LAMA2: variants seen among roughly 807,000 people sequenced by gnomAD.
LAMA2 encodes laminin subunit alpha 2, also known as laminin subunit alpha-2.
In LAMA2, 269 loss-of-function variants were observed where a neutral mutation model predicts 364.8. The ratio of observed to expected loss-of-function variants is 0.74; its 90% CI spans 0.67 to 0.82. LAMA2 has a LOEUF of 0.82. Ranked by LOEUF, LAMA2 falls within the 40% of genes least tolerant of loss-of-function variation. The pLI, the probability that LAMA2 is intolerant of heterozygous loss-of-function variation, is 0.00. For synonymous variants in LAMA2, 1,379 were observed against 1,370.6 expected (o/e 1.01, Z -0.14); for missense variants, 3,807 against 3,873.2 (o/e 0.98, Z 0.45).
chr6:129,314,153 C>T (rs973415986), intron 23 of LAMA2, among the ~76,000 whole-genome samples: 3 of 152,106 alleles, frequency 2.0e-5, no homozygotes, highest in African/African-American at 7.2e-5. Flanking sequence ...GTAATCCCAC[C>T]ACTTTGGGAG....
chr6:129,172,849 G>C (rs892738120), intron 9 of LAMA2, among the ~76,000 whole-genome samples: 2 of 152,252 alleles, frequency 1.3e-5, no homozygotes, highest in African/African-American at 2.4e-5. Flanking sequence ...GACCCTCCAA[G>C]CCAGGTGCAG....
At chr6:129,054,667 G>A (rs1788340676) in intron 2 of LAMA2, among the ~76,000 whole-genome samples, 1 of 147,670 alleles carries the variant, frequency 6.8e-6, no homozygotes, top group South Asian at 2.1e-4. Flanking sequence ...TGAAATATAT[G>A]ATATGTAATA....
At chr6:129,074,692 C>T (rs1315039218) in intron 3 of LAMA2, among the ~76,000 whole-genome samples, 1 of 152,014 alleles carries the variant, frequency 6.6e-6, no homozygotes, top group Admixed American at 6.6e-5. Flanking sequence ...ATTATTATTG[C>T]TTTTTGTGAA....
chr6:129,238,610 C>A (rs1262070005), intron 12 of LAMA2, among the ~76,000 whole-genome samples: 1 of 150,320 alleles, frequency 6.7e-6, no homozygotes, highest in East Asian at 2.0e-4. Flanking sequence ...AGAGAAAGCC[C>A]AAGAGTGAGA....
At chr6:128,959,632 A>C (rs1739843681) in intron 1 of LAMA2, among the ~76,000 whole-genome samples, 1 of 151,860 alleles carries the variant, frequency 6.6e-6, no homozygotes, top group African/African-American at 2.4e-5. Flanking sequence ...TTCTTAGAAA[A>C]CTGCTAAGAT....
intron 55 of LAMA2, 38 bp from the exon 56 acceptor site, chr6:129,486,436 A>C (rs376025652): frequency 1.7e-4 from 278 of 1,603,494 alleles, no homozygotes; most frequent in Admixed American, 2.7e-4. Context: ...CATAAATGAG[A>C]CTTCTGTTTA....
At chr6:129,221,025 G>A (rs1783797328) in intron 12 of LAMA2, among the ~76,000 whole-genome samples, 1 of 151,970 alleles carries the variant, frequency 6.6e-6, no homozygotes, top group African/African-American at 2.4e-5. Flanking sequence ...AGCCGGGCAT[G>A]GTGGCACATG....
At chr6:129,300,593 GAAGT>G (rs1221514545) in intron 21 of LAMA2, 139 bp from the exon 22 acceptor site, 25 of 786,284 alleles carry the variant, frequency 3.2e-5, no homozygotes, top group African/African-American at 3.4e-5. Flanking sequence ...AAAGATGAAT[GAAGT>G]AAGTTTTTAT....
intron 43 of LAMA2, chr6:129,442,108 G>T (rs1782146721): frequency 6.8e-6 from 5 of 738,262 alleles, no homozygotes; most frequent in Non-Finnish European, 1.0e-5. Context: ...TTTTTGGGGG[G>T]GTATCAAAAT....
intron 1 of LAMA2, among the ~76,000 whole-genome samples, chr6:129,044,940 G>C (rs1183140792): frequency 1.3e-5 from 2 of 152,082 alleles, no homozygotes; most frequent in African/African-American, 4.8e-5. Context: ...TGGTGCTTTT[G>C]AATGGGAATA....
chr6:129,122,006 C>T (rs893765189), intron 4 of LAMA2, among the ~76,000 whole-genome samples: 2 of 152,130 alleles, frequency 1.3e-5, no homozygotes, highest in Non-Finnish European at 2.9e-5. Flanking sequence ...TGCAAAATTA[C>T]AGCTCACTCT....
intron 3 of LAMA2, among the ~76,000 whole-genome samples, chr6:129,091,413 A>T (rs1202977297): frequency 6.6e-6 from 1 of 152,196 alleles, no homozygotes; most frequent in Non-Finnish European, 1.5e-5. Context: ...GTTTAATGTG[A>T]GTATAAAAAG....
intron 1 of LAMA2, among the ~76,000 whole-genome samples, chr6:128,903,005 T>C (rs1777184881): frequency 6.6e-6 from 1 of 152,212 alleles, no homozygotes; most frequent in African/African-American, 2.4e-5. Context: ...GTATACTGTA[T>C]TATTTCATAT....
intron 32 of LAMA2, among the ~76,000 whole-genome samples, chr6:129,362,745 G>A (rs72979138): frequency 0.034 from 5,221 of 152,208 alleles, 126 homozygotes; most frequent in Non-Finnish European, 0.051. Flanking sequence ...AGTGACTGGC[G>A]CAGGGTATAG....
In LAMA2 at chr6:129,360,023, C is replaced by T. The variant is rs73587381; in HGVS notation, c.4718-6196C>T. On this transcript the variant is annotated intron_variant, in intron 32 of 64. Coordinates refer to ENST00000421865, the MANE Select transcript of LAMA2 (RefSeq NM_000426.4). ...AAATTTATCCTGACACTTTTATAGG[C>T]AAAGCCTCGGAAACATTTAGTCATG... 1.0e-3 allele frequency among the ~76,000 whole-genome samples: 156 copies of T among 152,260 alleles called. 1 individual carries two copies. The highest frequency in any genetic ancestry group is 3.6e-3 in the African/African-American group (150 of 41,584).
intron 1 of LAMA2, among the ~76,000 whole-genome samples, chr6:129,010,239 G>T (rs932221192): frequency 2.6e-5 from 4 of 152,118 alleles, no homozygotes; most frequent in Non-Finnish European, 4.4e-5. Flanking sequence ...CTAAATCTGG[G>T]TAATGATCAT....
chr6:129,343,449 T>A (rs1040583804), intron 30 of LAMA2, among the ~76,000 whole-genome samples: 1 of 152,112 alleles, frequency 6.6e-6, no homozygotes, highest in African/African-American at 2.4e-5. Context: ...TTTTACAGGG[T>A]GTCAAATGTC....
At chr6:129,269,172 C>G (rs7763969) in intron 16 of LAMA2, among the ~76,000 whole-genome samples, 4,445 of 151,946 alleles carry the variant, frequency 0.029, 213 homozygotes, top group African/African-American at 0.1. Context: ...TAGTGTAGGT[C>G]TATATTTAAA....
At chr6:129,408,572 T>C (rs1780365517) in intron 40 of LAMA2, among the ~76,000 whole-genome samples, 1 of 152,138 alleles carries the variant, frequency 6.6e-6, no homozygotes. Flanking sequence ...AAGTGCCTAT[T>C]CCATTGAGGA....
Sources: allele counts gnomAD v4.1 joint callset (sites outside exome capture counted in the v4.1 genomes callset), GRCh38; gene constraint gnomAD v4.1.1; transcripts MANE v1.5; gene names NCBI Gene and HGNC (gene_info 2026-07-23, HGNC 2026-07-21).